Variants in RBFOX1 observed in about 807,000 individuals in gnomAD.
RBFOX1 encodes the protein RNA binding fox-1 homolog 1, also known as RNA binding protein fox-1 homolog 1.
Under a neutral mutation model 57.7 loss-of-function variants are expected in RBFOX1, and 8 were observed. That is an observed-to-expected ratio of 0.14 (90% CI 0.08 to 0.25). The LOEUF (loss-of-function observed/expected upper bound fraction) is 0.25. Among genes scored for constraint, RBFOX1 ranks in the 10% least tolerant of loss-of-function variants. The probability of loss-of-function intolerance (pLI) is 1.00; values close to 1 mark genes in which losing one functional copy is unlikely to be tolerated. For missense variants in RBFOX1, 611 were observed against 548.5 expected, an observed-to-expected ratio of 1.11 and a Z score of -1.14; for synonymous variants, 326 against 222.4, an observed-to-expected ratio of 1.47 and a Z score of -4.15.
chr16:7,625,037 A>G (rs1319987690), intron 10 of RBFOX1, among the ~76,000 whole-genome samples: 2 of 152,104 alleles, frequency 1.3e-5, no homozygotes, highest in Admixed American at 1.3e-4. Flanking sequence ...TAAGTGGTAG[A>G]TTATAGGGGA....
At chr16:6,951,269 C>A (rs1482573354) in intron 3 of RBFOX1, among the ~76,000 whole-genome samples, 1 of 152,064 alleles carries the variant, frequency 6.6e-6, no homozygotes, top group Non-Finnish European at 1.5e-5. Context: ...AATAGAGTCA[C>A]CCATCTTCTG....
At chr16:6,021,274 C>A (rs182072073) in intron 1 of RBFOX1, among the ~76,000 whole-genome samples, 1 of 152,216 alleles carries the variant, frequency 6.6e-6, no homozygotes, top group Admixed American at 6.5e-5. Context: ...TTAGGACATG[C>A]CCCAGCCTGC....
chr16:7,146,408 A>T (rs2074987915), intron 4 of RBFOX1, among the ~76,000 whole-genome samples: 1 of 152,184 alleles, frequency 6.6e-6, no homozygotes, highest in African/African-American at 2.4e-5. Flanking sequence ...GAACCAGCTG[A>T]ACCCCTCGCC....
intron 4 of RBFOX1, among the ~76,000 whole-genome samples, chr16:5,930,099 T>C (rs985319575): frequency 6.6e-6 from 1 of 151,126 alleles, no homozygotes; most frequent in Non-Finnish European, 1.5e-5. Context: ...TTTGTGAAAG[T>C]TGAATGGAAG....
intron 1 of RBFOX1, among the ~76,000 whole-genome samples, chr16:5,346,640 G>T (rs59567041): frequency 6.6e-6 from 1 of 152,196 alleles, no homozygotes; most frequent in Non-Finnish European, 1.5e-5. Flanking sequence ...GGAATTTTCA[G>T]TGCAATACAG....
intron 4 of RBFOX1, among the ~76,000 whole-genome samples, chr16:7,283,083 T>C (rs1404000654): frequency 6.6e-6 from 1 of 152,188 alleles, no homozygotes; most frequent in African/African-American, 2.4e-5. Flanking sequence ...ATCTTTTTTG[T>C]ATAACGACTT....
chr16:5,800,041 T>A (rs1284267834), intron 3 of RBFOX1, among the ~76,000 whole-genome samples: 2 of 151,216 alleles, frequency 1.3e-5, no homozygotes, highest in Non-Finnish European at 2.9e-5. Flanking sequence ...TTTCCCTATT[T>A]TTTATATATA....
At chr16:7,470,729 G>C (rs1599249721) in intron 4 of RBFOX1, among the ~76,000 whole-genome samples, 1 of 152,016 alleles carries the variant, frequency 6.6e-6, no homozygotes, top group African/African-American at 2.4e-5. Flanking sequence ...AATATATCCA[G>C]AGGATGAGCC....
At chr16:6,483,058 C>T (rs1417419601) in intron 2 of RBFOX1, 1 of 868,410 alleles carries the variant, frequency 1.2e-6, no homozygotes, top group Non-Finnish European at 1.4e-6. Context: ...ATACCGCAGC[C>T]AGCTCGGAGC....
At chr16:7,141,372 T>C (rs1162546248) in intron 4 of RBFOX1, among the ~76,000 whole-genome samples, 1 of 152,110 alleles carries the variant, frequency 6.6e-6, no homozygotes, top group Non-Finnish European at 1.5e-5. Flanking sequence ...TAGGACCCCT[T>C]CTCTGATGGA....
chr16:6,660,538 C>T (rs184180481), intron 3 of RBFOX1, among the ~76,000 whole-genome samples: 1 of 152,168 alleles, frequency 6.6e-6, no homozygotes, highest in Non-Finnish European at 1.5e-5. Flanking sequence ...CTGTACATAG[C>T]CTTTGGAGCT....
chr16:5,613,710 C>T (rs2047910719), intron 3 of RBFOX1, among the ~76,000 whole-genome samples: 1 of 152,082 alleles, frequency 6.6e-6, no homozygotes. Flanking sequence ...GTGGAAAGCT[C>T]ACAAAAGCAG....
chr16:6,291,488 C>G (rs1328796058), intron 1 of RBFOX1, among the ~76,000 whole-genome samples: 15 of 152,164 alleles, frequency 9.9e-5, no homozygotes, highest in Admixed American at 9.2e-4. Flanking sequence ...GGACCTCAAA[C>G]TCACTAAGCC....
chr16:5,512,344 C>T (rs1479995396), intron 2 of RBFOX1, among the ~76,000 whole-genome samples: 1 of 152,078 alleles, frequency 6.6e-6, no homozygotes, highest in Non-Finnish European at 1.5e-5. Context: ...AAATGTATTG[C>T]AATCAATTTC....
intron 1 of RBFOX1, among the ~76,000 whole-genome samples, chr16:6,175,988 C>G (rs753301483): frequency 6.6e-6 from 1 of 152,034 alleles, no homozygotes; most frequent in Non-Finnish European, 1.5e-5. Context: ...GGAGATGAGT[C>G]CTAGGTATTG....
rs531301439 is a variant in RBFOX1 at position 7,424,148 on chromosome 16, C to A, written c.28-93999C>A. Reference sequence around the variant, plus strand: ...TGAATTTTTAGGAAAAAGAGCCATGCAATGATAAAGTGACTCCAGTAGCAG... The same window carrying A: ...TGAATTTTTAGGAAAAAGAGCCATGAAATGATAAAGTGACTCCAGTAGCAG... On this transcript the variant is annotated intron_variant, in intron 4 of 15. Coordinates refer to ENST00000550418, the MANE Select transcript of RBFOX1 (RefSeq NM_018723.4). Among the ~76,000 whole-genome samples the A allele has an allele frequency of 4.6e-5, 7 of 152,128 alleles. No homozygotes were observed. In the East Asian group the frequency reaches 1.4e-3, roughly 29 times the overall value.
chr16:7,569,778 G>A (rs529551510), intron 5 of RBFOX1, among the ~76,000 whole-genome samples: 1 of 152,144 alleles, frequency 6.6e-6, no homozygotes, highest in Admixed American at 6.6e-5. Flanking sequence ...CAAGGCAGAA[G>A]GATATCTTGA....
intron 2 of RBFOX1, among the ~76,000 whole-genome samples, chr16:6,344,925 C>T (rs1260372446): frequency 6.7e-6 from 1 of 148,636 alleles, no homozygotes; most frequent in African/African-American, 2.5e-5. Flanking sequence ...TTCTGGCCTC[C>T]CAAAGGGAGG....
chr16:5,659,180 A>AT (rs2049561736), intron 3 of RBFOX1, among the ~76,000 whole-genome samples: 1 of 150,044 alleles, frequency 6.7e-6, no homozygotes, highest in Admixed American at 6.6e-5. Flanking sequence ...CTGTTTTTTG[A>AT]TTTTTTTGAT....
Sources: gnomAD v4.1 joint callset for allele counts (sites outside exome capture counted in the v4.1 genomes callset) on GRCh38, gnomAD v4.1.1 for gene constraint, MANE v1.5 for transcripts, NCBI Gene and HGNC (gene_info 2026-07-23, HGNC 2026-07-21) for gene names.